The following SUPT3H variants were observed in gnomAD, a reference collection of about 807,000 sequenced individuals.
SUPT3H encodes the protein SPT3 homolog, SAGA and STAGA complex component.
In SUPT3H, 44 loss-of-function variants were observed where a neutral mutation model predicts 44.3. That is an observed-to-expected ratio of 0.99 (90% CI 0.78 to 1.28). The LOEUF (loss-of-function observed/expected upper bound fraction) is 1.28. Among genes scored for constraint, SUPT3H ranks in the 50% most tolerant of loss-of-function variants. The pLI is 0.00. For missense variants in SUPT3H, 380 were observed against 387.1 expected (o/e 0.98, Z 0.15); for synonymous variants, 124 against 125.6 (o/e 0.99, Z 0.09).
At chr6:45,359,494 T>C (rs543747027) in intron 2 of SUPT3H, among the ~76,000 whole-genome samples, 64 of 152,288 alleles carry the variant, frequency 4.2e-4, no homozygotes, top group African/African-American at 1.5e-3. Context: ...TATTTTAGTG[T>C]AATTTAAATA....
At chr6:45,217,808 T>A (rs1401396086) in intron 2 of SUPT3H, among the ~76,000 whole-genome samples, 2 of 151,824 alleles carry the variant, frequency 1.3e-5, no homozygotes, top group African/African-American at 4.8e-5. Flanking sequence ...GAGAACTGCT[T>A]ATATCTGGGA....
chr6:45,179,853 A>T (rs553070826), intron 2 of SUPT3H, among the ~76,000 whole-genome samples: 20 of 152,182 alleles, frequency 1.3e-4, no homozygotes, highest in African/African-American at 2.4e-4. Flanking sequence ...CAACATAGTG[A>T]TGGAAGTTCT....
chr6:45,219,837 G>A (rs1765711257), intron 2 of SUPT3H, among the ~76,000 whole-genome samples: 1 of 151,802 alleles, frequency 6.6e-6, no homozygotes, highest in African/African-American at 2.4e-5. Context: ...TCAGGAGTTT[G>A]AGACAAGCCT....
chr6:44,928,882 C>CAAAATAAAAAAAAAAAAAAAAAAAAAA (rs1491206167), intron 10 of SUPT3H, among the ~76,000 whole-genome samples: 1 of 20,646 alleles, frequency 4.8e-5, no homozygotes, highest in African/African-American at 3.1e-4. Flanking sequence ...GACTCCGTCT[C>CAAAATAAAAAAAAAAAAAAAAAAAAAA]AAAAAAAAAA....
chr6:45,342,852 T>C (rs934266904), intron 2 of SUPT3H, among the ~76,000 whole-genome samples: 4 of 152,150 alleles, frequency 2.6e-5, no homozygotes, highest in Admixed American at 2.6e-4. Flanking sequence ...AGTCCTCCAA[T>C]TACAAGATAT....
intron 2 of SUPT3H, among the ~76,000 whole-genome samples, chr6:45,322,273 A>C (rs998063878): frequency 3.9e-5 from 6 of 152,014 alleles, no homozygotes; most frequent in African/African-American, 1.4e-4. Flanking sequence ...CAAGAAACAG[A>C]CTTCTTCAGG....
Position 45,181,861 on chromosome 6 carries a change from TATA to T in SUPT3H, c.102-75858_102-75856del, listed in dbSNP as rs199502646. Reference sequence around the variant, plus strand: ...TGCACATGTACCCTAAAACTTAAAGTATAATAATAATAAATAAATAAATAAATA... The same window carrying T: ...TGCACATGTACCCTAAAACTTAAAGTATAATAATAAATAAATAAATAAATA... On this transcript the variant is annotated intron_variant, in intron 2 of 10. Coordinates refer to ENST00000371459, the MANE Select transcript of SUPT3H (RefSeq NM_003599.4). Among the ~76,000 whole-genome samples the T allele has an allele frequency of 4.1e-3, 451 of 109,178 alleles. 11 individuals are homozygous for T. In the East Asian group the frequency reaches 0.097, roughly 23 times the overall value. 71.6% of individuals were successfully genotyped at this position (109,178 alleles called of 152,430 possible). A position where few individuals can be genotyped will look rare whatever the true frequency, so the allele number is the denominator to read the frequency against.
At chr6:45,092,875 G>A (rs573481505) in intron 3 of SUPT3H, among the ~76,000 whole-genome samples, 2 of 151,984 alleles carry the variant, frequency 1.3e-5, no homozygotes, top group Middle Eastern at 6.8e-3. Context: ...AGTCTCTAAG[G>A]ACAGTTAATA....
At chr6:45,188,613 A>G (rs947084797) in intron 2 of SUPT3H, among the ~76,000 whole-genome samples, 2 of 152,214 alleles carry the variant, frequency 1.3e-5, no homozygotes, top group Non-Finnish European at 2.9e-5. Context: ...CAGGCATGCA[A>G]GCCTGTTACA....
At chr6:45,175,066 T>G (rs1238788180) in intron 2 of SUPT3H, among the ~76,000 whole-genome samples, 1 of 151,006 alleles carries the variant, frequency 6.6e-6, no homozygotes, top group Non-Finnish European at 1.5e-5. Context: ...GTCACTTCCT[T>G]GTCCACATTT....
intron 2 of SUPT3H, among the ~76,000 whole-genome samples, chr6:45,311,126 T>C (rs545610822): frequency 4.2e-4 from 64 of 152,222 alleles, no homozygotes; most frequent in African/African-American, 1.4e-3. Flanking sequence ...CTTTTAGAAA[T>C]GCAAAATGCT....
At chr6:45,056,333 T>C (rs1791120637) in intron 3 of SUPT3H, among the ~76,000 whole-genome samples, 1 of 152,198 alleles carries the variant, frequency 6.6e-6, no homozygotes, top group Admixed American at 6.5e-5. Context: ...CTCCTGGGTA[T>C]CTACCCAGAG....
At chr6:45,166,456 G>T (rs540208106) in intron 2 of SUPT3H, among the ~76,000 whole-genome samples, 1 of 151,788 alleles carries the variant, frequency 6.6e-6, no homozygotes, top group African/African-American at 2.4e-5. Context: ...ATAGTGGCAG[G>T]TGGCTATAGT....
At chr6:45,161,984 G>T (rs775412907) in intron 2 of SUPT3H, among the ~76,000 whole-genome samples, 3 of 151,784 alleles carry the variant, frequency 2.0e-5, no homozygotes, top group Non-Finnish European at 4.4e-5. Flanking sequence ...GACAACCACA[G>T]CATTCCAACA....
At chr6:45,272,137 C>T (rs1230635161) in intron 2 of SUPT3H, among the ~76,000 whole-genome samples, 1 of 152,180 alleles carries the variant, frequency 6.6e-6, no homozygotes, top group Non-Finnish European at 1.5e-5. Context: ...AGACTTGGGA[C>T]TGTGGACTTT....
At chr6:45,110,444 A>G (rs1562478911) in intron 2 of SUPT3H, among the ~76,000 whole-genome samples, 1 of 152,208 alleles carries the variant, frequency 6.6e-6, no homozygotes, top group African/African-American at 2.4e-5. Context: ...ATAGCCCAAT[A>G]CTATCTAAAA....
chr6:45,001,458 T>A (rs1289020888), intron 6 of SUPT3H, among the ~76,000 whole-genome samples: 1 of 152,046 alleles, frequency 6.6e-6, no homozygotes, highest in African/African-American at 2.4e-5. Flanking sequence ...CAGATTTTTT[T>A]ATATTTCAAG....
intron 3 of SUPT3H, among the ~76,000 whole-genome samples, chr6:45,068,011 C>T (rs1340712530): frequency 7.6e-6 from 1 of 131,954 alleles, no homozygotes; most frequent in African/African-American, 3.0e-5. Flanking sequence ...GACACATGCA[C>T]ACGTATGTTT....
chr6:44,928,882 C>CAAAA (rs35656937), intron 10 of SUPT3H, among the ~76,000 whole-genome samples: 12 of 20,600 alleles, frequency 5.8e-4, no homozygotes, highest in South Asian at 2.0e-3. Flanking sequence ...GACTCCGTCT[C>CAAAA]AAAAAAAAAA....
Sources: gnomAD v4.1 joint callset for allele counts (sites outside exome capture counted in the v4.1 genomes callset) on GRCh38, gnomAD v4.1.1 for gene constraint, MANE v1.5 for transcripts, NCBI Gene and HGNC (gene_info 2026-07-23, HGNC 2026-07-21) for gene names.